The following RGPD4 variants were observed in gnomAD, a reference collection of about 807,000 sequenced individuals.
The protein encoded by RGPD4 is ranBP2-like and GRIP domain-containing protein 4.
RGPD4 carries 84 observed loss-of-function variants against 141.1 expected under a neutral mutation model. The observed-to-expected ratio is 0.60, with a 90% confidence interval of 0.50 to 0.71. RGPD4 has a LOEUF of 0.71. RGPD4 is among the 30% of genes least tolerant of loss of function. The pLI is 0.00. For missense variants in RGPD4, 918 were observed against 1,622.4 expected (o/e 0.57, Z 7.46); for synonymous variants, 298 against 566.8 (o/e 0.53, Z 6.74).
chr2:107,871,864 A>T lies in RGPD4; in HGVS notation c.3860A>T (p.Glu1287Val). 1 of 1,611,652 alleles carries T rather than the reference A, an allele frequency of 6.2e-7. No individual in the cohort carries two copies. The highest frequency in any genetic ancestry group is 8.5e-7 in the Non-Finnish European group (1 of 1,179,860). ...PVRKNLFHFGESTTGSNFSFK... is the reference protein window; with the variant it reads ...PVRKNLFHFGVSTTGSNFSFK... ...AGAAAAAATCTTTTCCATTTTGGTG[A>T]GTCAACAACAGGATCTAACTTCAGT... Residue 1287 changes from glutamate (E) to valine (V), a missense_variant, in exon 20 of 23, where the codon GAG becomes GTG. Coordinates refer to ENST00000408999, the MANE Select transcript of RGPD4 (RefSeq NM_182588.3).
chr2:107,830,306 A>T (rs979025186), intron 1 of RGPD4, among the ~76,000 whole-genome samples: 5 of 148,432 alleles, frequency 3.4e-5, no homozygotes, highest in Non-Finnish European at 7.4e-5. Flanking sequence ...GGTGTGAGCC[A>T]CTCTGCTCAG....
intron 22 of RGPD4, among the ~76,000 whole-genome samples, chr2:107,886,918 G>T (rs964969706): frequency 6.6e-6 from 1 of 151,488 alleles, no homozygotes; most frequent in Non-Finnish European, 1.5e-5. Context: ...AATTAATTTG[G>T]TGGATCACAT....
In RGPD4 at chr2:107,854,611, A is replaced by G. The variant is rs1225117784; in HGVS notation, c.1034A>G (p.Glu345Gly). ...IKGEAGQNLL[E>G]MMACDRLSQS... ...GGTGAAGCTGGACAAAATCTGCTGG[A>G]AATGATGGCCTGTGACCGACTGAGC... Residue 345 changes from glutamate (E) to glycine (G), a missense_variant, in exon 8 of 23, where the codon GAA becomes GGA. Coordinates refer to ENST00000408999, the MANE Select transcript of RGPD4 (RefSeq NM_182588.3). The G allele has an allele frequency of 5.2e-6, 8 of 1,535,660 alleles. No individual in the cohort carries two copies. The Admixed American group carries it at 1.5e-4, about 30-fold the overall frequency.
At chr2:107,847,024 G>C (rs945035736) in intron 6 of RGPD4, among the ~76,000 whole-genome samples, 5 of 151,412 alleles carry the variant, frequency 3.3e-5, no homozygotes, top group African/African-American at 1.2e-4. Context: ...GGTGGATCAC[G>C]AAGTCAGGAG....
chr2:107,852,280 G>C (rs923899851), intron 7 of RGPD4, among the ~76,000 whole-genome samples: 4 of 151,272 alleles, frequency 2.6e-5, no homozygotes, highest in Non-Finnish European at 2.9e-5. Context: ...ATAGTGAATT[G>C]AGATGATTTG....
chr2:107,857,136 T>G (rs1263484002), intron 9 of RGPD4, among the ~76,000 whole-genome samples, 167 bp downstream of exon 9: 1 of 137,296 alleles, frequency 7.3e-6, no homozygotes, highest in Admixed American at 7.4e-5. Context: ...ATGTATTTTT[T>G]GTTGTTGTTG....
chr2:107,888,900 A>T (rs887083444), intron 22 of RGPD4, among the ~76,000 whole-genome samples: 1 of 141,786 alleles, frequency 7.1e-6, no homozygotes, highest in Non-Finnish European at 1.5e-5. Flanking sequence ...CCTGTGAGAG[A>T]CCTTGAAATA....
intron 18 of RGPD4, among the ~76,000 whole-genome samples, chr2:107,868,820 TA>T (rs1682821045): frequency 9.8e-6 from 1 of 101,872 alleles, no homozygotes; most frequent in Admixed American, 1.0e-4. Context: ...TTACTTTTAG[TA>T]GATTTATTAG....
chr2:107,881,033 C>T (rs1165593928), intron 21 of RGPD4, among the ~76,000 whole-genome samples: 1 of 151,482 alleles, frequency 6.6e-6, no homozygotes, highest in Non-Finnish European at 1.5e-5. Context: ...AATGGTGGAA[C>T]AAAATTCAAA....
intron 1 of RGPD4, among the ~76,000 whole-genome samples, chr2:107,830,146 C>A (rs542902704): frequency 5.3e-5 from 8 of 152,046 alleles, no homozygotes; most frequent in African/African-American, 1.9e-4. Flanking sequence ...CCCCCATCCC[C>A]GCCCAGAAGA....
At position 107,827,095 on chromosome 2, in the gene RGPD4, T is replaced by A. The variant is rs965278325; in HGVS notation, c.72+10T>A. Reference sequence around the variant, plus strand: ...CCCGTCGCCTCGAAAGGTGAGTGGATCTCGAAGAGACCGACGGCCTCGACC... The same window carrying A: ...CCCGTCGCCTCGAAAGGTGAGTGGAACTCGAAGAGACCGACGGCCTCGACC... On this transcript the variant is annotated intron_variant, in intron 1 of 22. Coordinates refer to ENST00000408999, the MANE Select transcript of RGPD4 (RefSeq NM_182588.3). 1.2e-5 allele frequency: 19 copies of A among 1,587,470 alleles called. No homozygotes were observed. The highest frequency in any genetic ancestry group is 1.5e-5 in the Non-Finnish European group (18 of 1,168,474).
intron 20 of RGPD4, 38 bp from the exon 21 acceptor site, chr2:107,879,930 T>A (rs764761792): frequency 8.7e-6 from 14 of 1,609,736 alleles, no homozygotes; most frequent in Non-Finnish European, 1.2e-5. Flanking sequence ...CTGTAATGTA[T>A]GATTTTGAAA....
chr2:107,845,688 T>C, intron 6 of RGPD4, among the ~76,000 whole-genome samples: 1 of 152,280 alleles, frequency 6.6e-6, no homozygotes, highest in Non-Finnish European at 1.5e-5. Context: ...CTCAGCCTCC[T>C]GAGTAGCTGG....
chr2:107,871,958 T>C lies in RGPD4; in HGVS notation c.3954T>C (p.Thr1318=). Residue 1318 remains threonine, a synonymous_variant, in exon 20 of 23, where the codon ACT becomes ACC. Coordinates refer to ENST00000408999, the MANE Select transcript of RGPD4 (RefSeq NM_182588.3). ...KLNQSGTSVG[T]DEESDVTQEE... is the part of the protein sequence containing the mutation. ...ATCAGAGTGGGACTTCAGTTGGCAC[T>C]GATGAAGAATCTGATGTTACTCAAG... The C allele has an allele frequency of 6.2e-7, 1 of 1,611,508 alleles. No individual in the cohort carries two copies. Among genetic ancestry groups the C allele is most frequent in the Non-Finnish European group, 8.5e-7 (1 of 1,179,836 alleles).
chr2:107,890,384 C>G (rs978789198), intron 22 of RGPD4, among the ~76,000 whole-genome samples: 1 of 132,350 alleles, frequency 7.6e-6, no homozygotes, highest in African/African-American at 3.0e-5. Flanking sequence ...TGCATCTCTA[C>G]AAAAAAACAA....
At chr2:107,854,055 T>A (rs892732415) in intron 7 of RGPD4, among the ~76,000 whole-genome samples, 1 of 112,734 alleles carries the variant, frequency 8.9e-6, no homozygotes, top group Admixed American at 8.6e-5. Context: ...GGCCCCTCTC[T>A]TTTTTTTTTT....
chr2:107,884,063 G>A lies in RGPD4; in HGVS notation c.5266+1190G>A, dbSNP rs796716805. 1.3e-3 allele frequency among the ~76,000 whole-genome samples: 193 copies of A among 151,070 alleles called. 2 individuals carry two copies. The East Asian group carries it at 0.031, about 24-fold the overall frequency. On this transcript the variant is annotated intron_variant, in intron 22 of 22. Coordinates refer to ENST00000408999, the MANE Select transcript of RGPD4 (RefSeq NM_182588.3). ...TGTCTTTTTATAGTATCCTAAATAG[G>A]GCTCATATATTGCATTTGGTTGATG...
In RGPD4 at chr2:107,876,178, A is replaced by G. The variant is rs1683084519; in HGVS notation, c.4924+3250A>G. 2.0e-5 allele frequency among the ~76,000 whole-genome samples: 3 copies of G among 151,252 alleles called. No individual in the cohort carries two copies. The South Asian group carries it at 6.3e-4, about 32-fold the overall frequency. On this transcript the variant is annotated intron_variant, in intron 20 of 22. Transcript: ENST00000408999. ...ATCAGTATGCTGTTTTAACCTATAG[A>G]TAGGTTCCATGGTTTTTATTTTCAG...
At chr2:107,884,396 G>A (rs551628360) in intron 22 of RGPD4, among the ~76,000 whole-genome samples, 85 of 151,954 alleles carry the variant, frequency 5.6e-4, no homozygotes, top group Middle Eastern at 3.4e-3. Flanking sequence ...CACCACGCCC[G>A]GCCATTTTGT....
Sources: gnomAD v4.1 joint callset for allele counts (sites outside exome capture counted in the v4.1 genomes callset) on GRCh38, gnomAD v4.1.1 for gene constraint, MANE v1.5 for transcripts, NCBI Gene and HGNC (gene_info 2026-07-23, HGNC 2026-07-21) for gene names.